The following CSMD3 variants were observed in gnomAD, a reference collection of about 807,000 sequenced individuals.
CSMD3 encodes the protein CUB and Sushi multiple domains 3.
Under a neutral mutation model 435.2 loss-of-function variants are expected in CSMD3, and 177 were observed. The ratio of observed to expected loss-of-function variants is 0.41; its 90% CI spans 0.36 to 0.46. The LOEUF is 0.46. CSMD3 is among the 20% of genes least tolerant of loss of function. The pLI is 0.34. For synonymous variants in CSMD3, 1,656 were observed against 1,520.5 expected (o/e 1.09, Z -2.07); for missense variants, 4,265 against 4,504.6 (o/e 0.95, Z 1.52).
At chr8:112,667,346 T>G (rs2075550245) in intron 16 of CSMD3, among the ~76,000 whole-genome samples, 1 of 152,092 alleles carries the variant, frequency 6.6e-6, no homozygotes, top group South Asian at 2.1e-4. Flanking sequence ...AGTATTCAGT[T>G]TTCATACGTA....
intron 1 of CSMD3, among the ~76,000 whole-genome samples, chr8:113,340,872 A>G (rs2094114110): frequency 6.6e-6 from 1 of 151,328 alleles, no homozygotes; most frequent in African/African-American, 2.4e-5. Context: ...TTGTCTCAAA[A>G]AAAAAAAAAA....
chr8:112,326,062 G>T (rs969253804), intron 45 of CSMD3, among the ~76,000 whole-genome samples: 1 of 151,982 alleles, frequency 6.6e-6, no homozygotes, highest in Non-Finnish European at 1.5e-5. Context: ...AATATTTTCT[G>T]CTTTTCTTAA....
At chr8:113,181,382 A>G (rs1016324234) in intron 3 of CSMD3, among the ~76,000 whole-genome samples, 3 of 152,080 alleles carry the variant, frequency 2.0e-5, no homozygotes, top group Non-Finnish European at 4.4e-5. Context: ...TTGTGGATAC[A>G]GATAAGGTCC....
chr8:112,813,216 C>CA (rs1366906590), intron 12 of CSMD3, among the ~76,000 whole-genome samples: 6 of 152,104 alleles, frequency 3.9e-5, no homozygotes, highest in Admixed American at 6.6e-5. Flanking sequence ...GCTCCCACAG[C>CA]ATGGAAGGGG....
intron 6 of CSMD3, among the ~76,000 whole-genome samples, chr8:113,010,204 T>G (rs766516211): frequency 6.6e-6 from 1 of 151,638 alleles, no homozygotes; most frequent in South Asian, 2.1e-4. Flanking sequence ...TACAAGGAAG[T>G]GAAGCCTCTA....
intron 13 of CSMD3, among the ~76,000 whole-genome samples, chr8:112,786,715 TATC>T (rs1358920272): frequency 1.3e-5 from 2 of 152,118 alleles, no homozygotes; most frequent in African/African-American, 4.8e-5. Flanking sequence ...TACAGTGAGA[TATC>T]ATGTCACTCT....
chr8:113,019,280 C>G (rs1345251608), intron 5 of CSMD3, 101 bp from the exon 6 acceptor site: 1 of 765,422 alleles, frequency 1.3e-6, no homozygotes, highest in African/African-American at 1.7e-5. Flanking sequence ...ATATTCATGA[C>G]TTTGCACTGT....
chr8:112,956,539 A>G (rs2084026483), intron 7 of CSMD3, among the ~76,000 whole-genome samples: 1 of 152,142 alleles, frequency 6.6e-6, no homozygotes, highest in South Asian at 2.1e-4. Flanking sequence ...ATAAGTATTA[A>G]AAATAGGTCT....
intron 32 of CSMD3, among the ~76,000 whole-genome samples, chr8:112,434,773 C>A (rs962695776): frequency 3.3e-5 from 5 of 152,052 alleles, no homozygotes; most frequent in Non-Finnish European, 5.9e-5. Context: ...TTAACAAATT[C>A]TTTTTCTTAA....
intron 6 of CSMD3, among the ~76,000 whole-genome samples, chr8:113,008,387 T>C (rs550318611): frequency 2.2e-4 from 34 of 152,008 alleles, no homozygotes; most frequent in African/African-American, 8.2e-4. Flanking sequence ...AATTTCTTAT[T>C]TTCTTATAAT....
intron 11 of CSMD3, among the ~76,000 whole-genome samples, chr8:112,856,982 G>A (rs929553067): frequency 3.3e-5 from 5 of 151,728 alleles, no homozygotes; most frequent in African/African-American, 1.2e-4. Context: ...AATTAATTTA[G>A]TGGGACATAA....
At position 112,254,303 on chromosome 8, in the gene CSMD3, T is replaced by G. The variant is rs2130258434; in HGVS notation, c.10060A>C (p.Asn3354His). 6.2e-7 allele frequency: 1 copy of G among 1,612,590 alleles called. No individual in the cohort carries two copies. The highest frequency in any genetic ancestry group is 1.3e-5 in the African/African-American group (1 of 74,986). Residue 3354 changes from asparagine (N) to histidine (H), a missense_variant, in exon 63 of 71, where the codon AAC (asparagine) becomes CAC (histidine). Physicochemically the swap from Asn to His is moderately conservative, Grantham distance 68. This residue lies in a region of CSMD3 where 3,255 missense variants were observed against 3,380.2 expected (regional missense o/e 0.96). Transcript: ENST00000297405. Reference protein sequence around the residue: ...CIEPTQTSCENPGVPRHGSQN... With the variant: ...CIEPTQTSCEHPGVPRHGSQN... Reference sequence around the variant, plus strand: ...GATCCATGCCGAGGCACACCTGGGTTTTCACAAGAGGTTTGGGTAGGCTCT... The same window carrying G: ...GATCCATGCCGAGGCACACCTGGGTGTTCACAAGAGGTTTGGGTAGGCTCT...
intron 31 of CSMD3, among the ~76,000 whole-genome samples, chr8:112,484,090 C>A (rs184685814): frequency 6.6e-6 from 1 of 152,134 alleles, no homozygotes; most frequent in African/African-American, 2.4e-5. Flanking sequence ...GTTATTCCAC[C>A]TCAGACTTCT....
chr8:112,631,318 T>C (rs184897393), intron 22 of CSMD3, among the ~76,000 whole-genome samples: 2 of 152,162 alleles, frequency 1.3e-5, no homozygotes, highest in Admixed American at 1.3e-4. Flanking sequence ...AATAGCAGAG[T>C]TCAGTAATTG....
intron 27 of CSMD3, among the ~76,000 whole-genome samples, chr8:112,518,229 A>G (rs1823883072): frequency 2.6e-5 from 4 of 152,074 alleles, no homozygotes; most frequent in Admixed American, 2.6e-4. Flanking sequence ...GGCCAGGCAT[A>G]GTGGCTCACA....
chr8:112,929,883 G>A (rs1587696968), intron 9 of CSMD3, among the ~76,000 whole-genome samples: 1 of 151,948 alleles, frequency 6.6e-6, no homozygotes. Flanking sequence ...ATGTTTTTAA[G>A]ACATGAGTTA....
intron 13 of CSMD3, among the ~76,000 whole-genome samples, chr8:112,713,344 C>G (rs2076650286): frequency 6.7e-6 from 1 of 148,290 alleles, no homozygotes; most frequent in African/African-American, 2.5e-5. Context: ...ATAAGGCAGG[C>G]AGACAAGATT....
chr8:112,903,151 CAAAAAAAA>C (rs763330055), intron 10 of CSMD3, among the ~76,000 whole-genome samples: 4 of 53,792 alleles, frequency 7.4e-5, no homozygotes, highest in Admixed American at 2.7e-4. Flanking sequence ...GCAGTCTTGG[CAAAAAAAA>C]AAAAAAAAAA....
intron 10 of CSMD3, among the ~76,000 whole-genome samples, chr8:112,883,967 T>A (rs1316988799): frequency 6.6e-6 from 1 of 151,916 alleles, no homozygotes; most frequent in African/African-American, 2.4e-5. Context: ...CTGAAGTCTC[T>A]AAGGTAATAG....
Sources: gnomAD v4.1 joint callset for allele counts (sites outside exome capture counted in the v4.1 genomes callset) on GRCh38, gnomAD v4.1.1 for gene constraint, gnomAD v4.1.1 regional missense constraint, MANE v1.5 for transcripts, NCBI Gene and HGNC (gene_info 2026-07-23, HGNC 2026-07-21) for gene names.